The following SCARA5 variants were observed in gnomAD, a reference collection of about 807,000 sequenced individuals.
SCARA5 encodes the protein scavenger receptor class A, member 5 (putative).
A neutral mutation model predicts 46.3 loss-of-function variants in SCARA5; 45 were observed. The observed-to-expected ratio is 0.97, with a 90% CI of 0.76 to 1.24. The LOEUF is 1.24. Among genes scored for constraint, SCARA5 ranks in the 50% most tolerant of loss-of-function variants. SCARA5 has a pLI of 0.00. For missense variants in SCARA5, 680 were observed against 689.0 expected (o/e 0.99, Z 0.15); for synonymous variants, 333 against 306.5 (o/e 1.09, Z -0.90).
At chr8:27,958,178 T>G (rs1808235066) in intron 3 of SCARA5, among the ~76,000 whole-genome samples, 1 of 152,188 alleles carries the variant, frequency 6.6e-6, no homozygotes, top group Admixed American at 6.5e-5. Context: ...TCGCAGGCAG[T>G]GTTTCAGCTG....
At chr8:27,973,092 G>A (rs540997829) in intron 2 of SCARA5, among the ~76,000 whole-genome samples, 1 of 152,216 alleles carries the variant, frequency 6.6e-6, no homozygotes, top group African/African-American at 2.4e-5. Context: ...TTGTGGCAAA[G>A]ACTGTCTATT....
chr8:27,895,296 C>G (rs1161599506), intron 7 of SCARA5, among the ~76,000 whole-genome samples: 2 of 152,130 alleles, frequency 1.3e-5, no homozygotes, highest in Non-Finnish European at 2.9e-5. Flanking sequence ...TGCCCCCAGC[C>G]GGCCTGAGGC....
intron 7 of SCARA5, among the ~76,000 whole-genome samples, chr8:27,881,297 G>A (rs1179798191): frequency 2.0e-5 from 3 of 152,114 alleles, no homozygotes; most frequent in Admixed American, 6.5e-5. Context: ...ATCAACCTAC[G>A]TGCCTATCAG....
intron 4 of SCARA5, among the ~76,000 whole-genome samples, chr8:27,917,027 C>T (rs1353148938): frequency 1.3e-5 from 2 of 152,124 alleles, no homozygotes; most frequent in Admixed American, 6.5e-5. Context: ...AAGAAGTCAC[C>T]AACTATCAAC....
chr8:27,922,267 G>C, intron 3 of SCARA5, 22 bp from the exon 4 acceptor site: 2 of 1,496,024 alleles, frequency 1.3e-6, no homozygotes, highest in East Asian at 2.4e-5. Flanking sequence ...GAAGAGGGGA[G>C]ACTTGAGCAC....
intron 3 of SCARA5, among the ~76,000 whole-genome samples, chr8:27,948,689 G>T (rs551765778): frequency 6.6e-6 from 1 of 152,208 alleles, no homozygotes; most frequent in Non-Finnish European, 1.5e-5. Flanking sequence ...ACAGCTGAGC[G>T]CAGGAAGCCT....
At chr8:27,944,636 T>C (rs1432322890) in intron 3 of SCARA5, among the ~76,000 whole-genome samples, 1 of 150,406 alleles carries the variant, frequency 6.6e-6, no homozygotes, top group Non-Finnish European at 1.5e-5. Context: ...CCAAGGTGGA[T>C]GGATCACCTG....
intron 8 of SCARA5, among the ~76,000 whole-genome samples, chr8:27,872,577 C>A (rs115976919): frequency 0.012 from 1,891 of 152,310 alleles, 46 homozygotes; most frequent in African/African-American, 0.044. Flanking sequence ...AGGAGAGGCC[C>A]CTTCCGCCAC....
chr8:27,918,042 C>T (rs1460992321), intron 4 of SCARA5, among the ~76,000 whole-genome samples: 1 of 152,190 alleles, frequency 6.6e-6, no homozygotes, highest in East Asian at 1.9e-4. Flanking sequence ...GTGCACTGCA[C>T]TCTTAATGCT....
At chr8:27,953,710 A>T (rs185309180) in intron 3 of SCARA5, among the ~76,000 whole-genome samples, 11 of 152,368 alleles carry the variant, frequency 7.2e-5, no homozygotes, top group African/African-American at 2.6e-4. Flanking sequence ...CACAAGCTCC[A>T]AGACTCAGAT....
chr8:27,968,272 C>A (rs1317287653), intron 2 of SCARA5, among the ~76,000 whole-genome samples: 1 of 152,206 alleles, frequency 6.6e-6, no homozygotes, highest in African/African-American at 2.4e-5. Context: ...GTTAAACCAG[C>A]TAAACAGAGC....
intron 2 of SCARA5, among the ~76,000 whole-genome samples, chr8:27,985,222 GA>G (rs1808688282): frequency 6.6e-6 from 1 of 152,164 alleles, no homozygotes; most frequent in Non-Finnish European, 1.5e-5. Flanking sequence ...AAGGGGGATG[GA>G]AACTCAGGCC....
chr8:27,895,285 G>A (rs1166879525), intron 7 of SCARA5, among the ~76,000 whole-genome samples: 1 of 152,122 alleles, frequency 6.6e-6, no homozygotes, highest in South Asian at 2.1e-4. Context: ...AGAACTCCCC[G>A]TGCCCCCAGC....
At chr8:27,953,820 G>A (rs1330467964) in intron 3 of SCARA5, among the ~76,000 whole-genome samples, 1 of 152,218 alleles carries the variant, frequency 6.6e-6, no homozygotes, top group East Asian at 1.9e-4. Flanking sequence ...CATCTGAATA[G>A]TGAGTTTACA....
chr8:27,942,849 A>G (rs1003047185), intron 3 of SCARA5, among the ~76,000 whole-genome samples: 1 of 152,152 alleles, frequency 6.6e-6, no homozygotes, highest in African/African-American at 2.4e-5. Flanking sequence ...GGAAGTAACT[A>G]TATCCACTTT....
intron 7 of SCARA5, among the ~76,000 whole-genome samples, chr8:27,892,701 G>A (rs933991696): frequency 4.1e-5 from 6 of 145,768 alleles, no homozygotes; most frequent in Admixed American, 1.5e-4. Context: ...CCCCGCCTCC[G>A]GGGTTCACGC....
intron 3 of SCARA5, among the ~76,000 whole-genome samples, chr8:27,950,903 G>T (rs1271469115): frequency 6.8e-6 from 1 of 146,396 alleles, no homozygotes; most frequent in Non-Finnish European, 1.5e-5. Context: ...GGTCAGTGTG[G>T]ACTAAGCCAT....
At chr8:27,976,186 C>G (rs964893349) in intron 2 of SCARA5, among the ~76,000 whole-genome samples, 1 of 152,114 alleles carries the variant, frequency 6.6e-6, no homozygotes, top group African/African-American at 2.4e-5. Flanking sequence ...AGCTGGGACA[C>G]CACTGCAGCC....
chr8:27,935,715 C>T (rs181837181), intron 3 of SCARA5, among the ~76,000 whole-genome samples: 8 of 152,318 alleles, frequency 5.3e-5, no homozygotes, highest in East Asian at 3.9e-4. Context: ...AACAATGACA[C>T]GTCTGGATTC....
Sources: allele counts gnomAD v4.1 joint callset (sites outside exome capture counted in the v4.1 genomes callset), GRCh38; gene constraint gnomAD v4.1.1; transcripts MANE v1.5; gene names NCBI Gene and HGNC (gene_info 2026-07-23, HGNC 2026-07-21).